The following ZNF676 variants were observed in gnomAD, a reference collection of about 807,000 sequenced individuals.
ZNF676 encodes zinc finger protein 676.
A neutral mutation model predicts 6.0 loss-of-function variants in ZNF676; 4 were observed. That is an observed-to-expected ratio of 0.67 (90% CI 0.33 to 1.53). The LOEUF is 1.53. Ranked by LOEUF, ZNF676 falls within the 40% of genes most tolerant of loss-of-function variation. The pLI is 0.06. For synonymous variants in ZNF676, 198 were observed against 223.1 expected (o/e 0.89, Z 1.00); for missense variants, 644 against 679.7 (o/e 0.95, Z 0.58).
intron 1 of ZNF676, among the ~76,000 whole-genome samples, chr19:22,208,412 C>T (rs900905865): frequency 9.2e-5 from 14 of 152,000 alleles, no homozygotes; most frequent in Non-Finnish European, 1.9e-4. Flanking sequence ...TCATCTCAAA[C>T]CAGTGAGAAT....
chr19:22,195,614 A>T (rs1313415405), intron 1 of ZNF676, among the ~76,000 whole-genome samples: 1 of 152,246 alleles, frequency 6.6e-6, no homozygotes, highest in Non-Finnish European at 1.5e-5. Flanking sequence ...CTACTAAAGA[A>T]TAAAATTAAC....
chr19:22,234,479 G>C, the ZNF676 span, among the ~76,000 whole-genome samples: 4 of 152,080 alleles, frequency 2.6e-5, no homozygotes, highest in Non-Finnish European at 5.9e-5. Flanking sequence ...TGGTTAGATG[G>C]GTCAGAAAGC....
chr19:22,210,245 A>G (rs2024115731), intron 1 of ZNF676, among the ~76,000 whole-genome samples: 1 of 152,158 alleles, frequency 6.6e-6, no homozygotes, highest in Admixed American at 6.5e-5. Context: ...ATTCTCCAAC[A>G]GCAACTCATT....
the ZNF676 span, among the ~76,000 whole-genome samples, chr19:22,256,131 A>C: frequency 6.6e-6 from 1 of 152,204 alleles, no homozygotes; most frequent in African/African-American, 2.4e-5. Context: ...GACCTTCATA[A>C]AAATAGGAGA....
intron 2 of ZNF676, among the ~76,000 whole-genome samples, chr19:22,192,656 T>C (rs901888118): frequency 2.0e-5 from 3 of 151,972 alleles, no homozygotes; most frequent in African/African-American, 7.2e-5. Context: ...TCAGAGATGA[T>C]GGAAAAAGAG....
At chr19:22,241,909 T>C in the ZNF676 span, among the ~76,000 whole-genome samples, 1 of 151,962 alleles carries the variant, frequency 6.6e-6, no homozygotes, top group Admixed American at 6.5e-5. Context: ...GTACACTGTG[T>C]CCTTGTGTGA....
At chr19:22,234,962 G>GAA in the ZNF676 span, among the ~76,000 whole-genome samples, 1 of 101,242 alleles carries the variant, frequency 9.9e-6, no homozygotes, top group Non-Finnish European at 1.9e-5. Context: ...AAGAAAGCAA[G>GAA]AGAAAGAAAG....
upstream of ZNF676, among the ~76,000 whole-genome samples, chr19:22,198,258 T>C (rs535154843): frequency 4.5e-4 from 69 of 152,324 alleles, no homozygotes; most frequent in Middle Eastern, 3.4e-3. Context: ...ATTTTTAATA[T>C]TGCAGATTAT....
At chr19:22,249,080 A>G in the ZNF676 span, among the ~76,000 whole-genome samples, 10 of 152,230 alleles carry the variant, frequency 6.6e-5, no homozygotes, top group Admixed American at 2.0e-4. Context: ...CTTAAAAATA[A>G]TAAATGCTTA....
chr19:22,204,746 G>T (rs935348800), intron 1 of ZNF676, among the ~76,000 whole-genome samples: 3 of 152,084 alleles, frequency 2.0e-5, no homozygotes, highest in Non-Finnish European at 1.5e-5. Context: ...ACAAATCTGT[G>T]TCTACTTTAA....
the ZNF676 span, among the ~76,000 whole-genome samples, chr19:22,234,839 C>G: frequency 6.6e-6 from 1 of 151,920 alleles, no homozygotes; most frequent in East Asian, 1.9e-4. Context: ...GAGGCTGAGG[C>G]AGGAGATTGC....
chr19:22,200,261 A>T (rs188552081), upstream of ZNF676, among the ~76,000 whole-genome samples: 810 of 152,172 alleles, frequency 5.3e-3, 5 homozygotes, highest in African/African-American at 0.018. Context: ...TTCTATAATA[A>T]TTTTTTTAGA....
the ZNF676 span, among the ~76,000 whole-genome samples, chr19:22,238,772 T>C: frequency 6.6e-6 from 1 of 152,170 alleles, no homozygotes; most frequent in Non-Finnish European, 1.5e-5. Flanking sequence ...ACTGAAGAAC[T>C]TGGAGTCTGA....
intron 1 of ZNF676, among the ~76,000 whole-genome samples, chr19:22,214,531 G>A (rs887944572): frequency 3.3e-5 from 5 of 149,776 alleles, no homozygotes; most frequent in African/African-American, 7.4e-5. Flanking sequence ...CCTGGGAGGC[G>A]GAGAGTCCAG....
At chr19:22,193,259 G>T (rs903901015) in intron 1 of ZNF676, 148 bp from the exon 2 acceptor site, 3 of 952,810 alleles carry the variant, frequency 3.1e-6, no homozygotes, top group Non-Finnish European at 4.3e-6. Context: ...GAAGAAAAAC[G>T]TTATGTGCAG....
the ZNF676 span, among the ~76,000 whole-genome samples, chr19:22,253,366 G>GTATATATATA: frequency 1.9e-4 from 12 of 63,706 alleles, no homozygotes; most frequent in African/African-American, 4.8e-4. Context: ...GTGTGTGTGT[G>GTATATATATA]TGTGTGTATA....
chr19:22,198,741 CCA>C (rs2023996753), upstream of ZNF676, among the ~76,000 whole-genome samples: 1 of 152,062 alleles, frequency 6.6e-6, no homozygotes, highest in African/African-American at 2.4e-5. Context: ...ATGAGTAGCT[CCA>C]CAGAGATAAA....
the ZNF676 span, among the ~76,000 whole-genome samples, chr19:22,249,762 GTT>G: frequency 6.5e-3 from 969 of 148,486 alleles, 8 homozygotes; most frequent in East Asian, 0.067. Context: ...AGTACAACGG[GTT>G]TTTTTTTTTT....
the ZNF676 span, among the ~76,000 whole-genome samples, chr19:22,248,900 T>C: frequency 2.6e-5 from 4 of 152,132 alleles, no homozygotes; most frequent in Admixed American, 2.6e-4. Context: ...TGGCTAATTT[T>C]TGTATTTTTA....
Sources: allele counts gnomAD v4.1 joint callset (sites outside exome capture counted in the v4.1 genomes callset), GRCh38; gene constraint gnomAD v4.1.1; transcripts MANE v1.5; gene names NCBI Gene and HGNC (gene_info 2026-07-23, HGNC 2026-07-21).